The following GPC5 variants were observed in gnomAD, a reference collection of about 807,000 sequenced individuals.
GPC5 encodes glypican-5.
GPC5 carries 47 observed loss-of-function variants against 53.9 expected under a neutral mutation model. That is an observed-to-expected ratio of 0.87 (90% CI 0.69 to 1.11). The LOEUF is 1.11. Among genes scored for constraint, GPC5 ranks in the 50% most tolerant of loss-of-function variants. GPC5 has a pLI of 0.00. For synonymous variants in GPC5, 286 were observed against 263.3 expected (o/e 1.09, Z -0.84); for missense variants, 748 against 713.1 (o/e 1.05, Z -0.56).
rs547291476 is a variant in GPC5 at position 92,108,025 on chromosome 13, G to C, written c.1402-36805G>C. Among the ~76,000 whole-genome samples, 7 of 152,236 alleles carry C rather than the reference G, an allele frequency of 4.6e-5. No individual in the cohort carries two copies. The East Asian group carries it at 1.4e-3, about 29-fold the overall frequency. On this transcript the variant is annotated intron_variant, in intron 6 of 7. Transcript: ENST00000377067. ...TCTTCCCTCCAATTTCAAAGTAAGA[G>C]AGAAGTCTCCTTTTTCCAGAGCTAA... is the stretch of plus-strand genomic sequence containing the variant.
chr13:91,436,091 G>A (rs935290284), intron 1 of GPC5, among the ~76,000 whole-genome samples: 1 of 151,962 alleles, frequency 6.6e-6, no homozygotes, highest in Admixed American at 6.6e-5. Context: ...TTCTTTATTA[G>A]TCTTGCTAGC....
intron 6 of GPC5, among the ~76,000 whole-genome samples, chr13:92,144,446 A>G (rs537789003): frequency 5.1e-4 from 78 of 152,300 alleles, no homozygotes; most frequent in African/African-American, 1.3e-3. Flanking sequence ...GGTTTACAAA[A>G]CAGCACAAAA....
chr13:91,702,785 T>C (rs191480), intron 3 of GPC5, among the ~76,000 whole-genome samples: 39,492 of 151,944 alleles, frequency 0.26, 7,679 homozygotes, highest in African/African-American at 0.55. Flanking sequence ...CATCATTCTA[T>C]TTAAGTTCAT....
chr13:91,630,523 A>G (rs2034129327), intron 2 of GPC5, among the ~76,000 whole-genome samples: 1 of 152,176 alleles, frequency 6.6e-6, no homozygotes, highest in African/African-American at 2.4e-5. Flanking sequence ...TAGATTTTTT[A>G]GCTAGGTGGA....
chr13:91,702,300 A>G (rs1038367364), intron 3 of GPC5, among the ~76,000 whole-genome samples: 8 of 151,998 alleles, frequency 5.3e-5, no homozygotes, highest in African/African-American at 1.9e-4. Flanking sequence ...GCTTGAAGGA[A>G]TCTCATTTGT....
At chr13:92,381,878 GATT>G (rs1350008011) in intron 7 of GPC5, among the ~76,000 whole-genome samples, 2 of 76,150 alleles carry the variant, frequency 2.6e-5, no homozygotes, top group African/African-American at 1.1e-4. Context: ...TCATATATAT[GATT>G]ATATATATTA....
intron 7 of GPC5, among the ~76,000 whole-genome samples, chr13:92,784,212 A>G (rs535498223): frequency 1.3e-5 from 2 of 152,190 alleles, no homozygotes; most frequent in African/African-American, 2.4e-5. Context: ...TCCAAAAAGT[A>G]GGTTGGTTTA....
chr13:92,071,830 T>G (rs2041213790), intron 6 of GPC5, among the ~76,000 whole-genome samples: 1 of 147,854 alleles, frequency 6.8e-6, no homozygotes, highest in Non-Finnish European at 1.5e-5. Context: ...AATAATATAT[T>G]TTATTCATAT....
At chr13:92,778,301 T>C (rs1241838802) in intron 7 of GPC5, among the ~76,000 whole-genome samples, 2 of 152,180 alleles carry the variant, frequency 1.3e-5, no homozygotes, top group Non-Finnish European at 2.9e-5. Flanking sequence ...TGGTTTATAA[T>C]GTATGGATTT....
intron 7 of GPC5, among the ~76,000 whole-genome samples, chr13:92,678,765 A>G (rs1459499518): frequency 6.6e-6 from 1 of 152,302 alleles, no homozygotes; most frequent in South Asian, 2.1e-4. Context: ...GTCTGCTGAG[A>G]TAAGAATTGA....
chr13:92,571,407 G>A (rs1314770563), intron 7 of GPC5, among the ~76,000 whole-genome samples: 2 of 152,114 alleles, frequency 1.3e-5, no homozygotes, highest in Admixed American at 1.3e-4. Context: ...GCGCCATGGT[G>A]TATATTAAAA....
chr13:91,797,553 G>A (rs997867602), intron 5 of GPC5, among the ~76,000 whole-genome samples: 5 of 152,018 alleles, frequency 3.3e-5, no homozygotes, highest in African/African-American at 9.7e-5. Context: ...CATTGATTTG[G>A]CCAAGATATT....
intron 3 of GPC5, among the ~76,000 whole-genome samples, chr13:91,695,274 C>T (rs2035855327): frequency 6.6e-6 from 1 of 152,248 alleles, no homozygotes; most frequent in African/African-American, 2.4e-5. Context: ...ATGCAATAAA[C>T]CATCTCAAAA....
intron 6 of GPC5, among the ~76,000 whole-genome samples, chr13:92,035,755 T>TAAAAAAAAAAAAAAA (rs67401983): frequency 1.5e-5 from 2 of 129,488 alleles, no homozygotes; most frequent in African/African-American, 2.9e-5. Flanking sequence ...GAGGAAATGT[T>TAAAAAAAAAAAAAAA]AAAAAAAAAA....
At chr13:91,781,951 C>T (rs564213541) in intron 5 of GPC5, among the ~76,000 whole-genome samples, 27 of 150,854 alleles carry the variant, frequency 1.8e-4, no homozygotes, top group Non-Finnish European at 2.4e-4. Flanking sequence ...AGAATAAGAA[C>T]GAGACCATCA....
chr13:91,451,253 C>T (rs917648627), intron 2 of GPC5, among the ~76,000 whole-genome samples: 1 of 152,142 alleles, frequency 6.6e-6, no homozygotes, highest in African/African-American at 2.4e-5. Flanking sequence ...CCTAGTTCAA[C>T]AATATTAATC....
At chr13:92,459,963 G>A (rs930721360) in intron 7 of GPC5, among the ~76,000 whole-genome samples, 97 of 151,932 alleles carry the variant, frequency 6.4e-4, no homozygotes, top group African/African-American at 2.3e-3. Flanking sequence ...ATTTATCTTT[G>A]TATCTTTACC....
rs148831194 is a variant in GPC5, at chr13:91,582,009, G to C, written c.326-111178G>C. Among the ~76,000 whole-genome samples, 24 of 152,280 alleles carry C rather than the reference G, an allele frequency of 1.6e-4. No homozygotes were observed. The East Asian group carries it at 1.9e-3, about 12-fold the overall frequency. On this transcript the variant is annotated intron_variant, in intron 2 of 7. Transcript: ENST00000377067. ...CCCAGGATGCTAAATTAGGCTTAGG[G>C]AGGCTTTCTTGCTTGTGTTTTCAGA...
At chr13:92,751,921 G>A (rs771354891) in intron 7 of GPC5, among the ~76,000 whole-genome samples, 2 of 151,886 alleles carry the variant, frequency 1.3e-5, no homozygotes, top group African/African-American at 2.4e-5. Context: ...CACTTGCGCT[G>A]GATCTACTCG....
Sources: gnomAD v4.1 joint callset for allele counts (sites outside exome capture counted in the v4.1 genomes callset) on GRCh38, gnomAD v4.1.1 for gene constraint, MANE v1.5 for transcripts, NCBI Gene and HGNC (gene_info 2026-07-23, HGNC 2026-07-21) for gene names.